Variants in STAU2 observed in about 807,000 individuals in gnomAD.
The protein encoded by STAU2 is double-stranded RNA-binding protein Staufen homolog 2.
A neutral mutation model predicts 65.9 loss-of-function variants in STAU2; 20 were observed. The ratio of observed to expected loss-of-function variants is 0.30; its 90% CI spans 0.21 to 0.44. The LOEUF is 0.44. Among genes scored for constraint, STAU2 ranks in the 20% least tolerant of loss-of-function variants. STAU2 has a pLI of 1.00. For missense variants in STAU2, 558 were observed against 683.9 expected (o/e 0.82, Z 2.05); for synonymous variants, 232 against 233.9 (o/e 0.99, Z 0.07).
chr8:73,662,599 T>TTTGTTGTTGTTGTTG (rs370019142), intron 6 of STAU2, among the ~76,000 whole-genome samples: 9,903 of 150,646 alleles, frequency 0.066, 689 homozygotes, highest in East Asian at 0.17. Flanking sequence ...TTCAGGGGTT[T>TTTGTTGTTGTTGTTG]TTGTTGTTGT....
At chr8:73,527,651 C>T in intron 13 of STAU2, 4 of 1,470,950 alleles carry the variant, frequency 2.7e-6, no homozygotes, top group Non-Finnish European at 3.7e-6. Flanking sequence ...CATTTCCGAG[C>T]TGGGCCATAA....
intron 13 of STAU2, among the ~76,000 whole-genome samples, chr8:73,436,191 A>G (rs1817665072): frequency 6.6e-6 from 1 of 151,890 alleles, no homozygotes; most frequent in South Asian, 2.1e-4. Flanking sequence ...GTGATGGTCA[A>G]ACAAGATAAG....
intron 6 of STAU2, among the ~76,000 whole-genome samples, chr8:73,625,262 G>A (rs1460667483): frequency 6.6e-6 from 1 of 152,118 alleles, no homozygotes; most frequent in African/African-American, 2.4e-5. Flanking sequence ...AAACTCGTAG[G>A]TAAATGTTTA....
chr8:73,574,648 A>G (rs981788743), intron 12 of STAU2, among the ~76,000 whole-genome samples: 9 of 152,190 alleles, frequency 5.9e-5, no homozygotes, highest in Admixed American at 2.0e-4. Context: ...TGAGCAAACT[A>G]TCGCAAGGAC....
chr8:73,665,893 TAA>T (rs1412272238), intron 6 of STAU2, among the ~76,000 whole-genome samples: 2 of 152,220 alleles, frequency 1.3e-5, no homozygotes, highest in African/African-American at 2.4e-5. Context: ...CCATATACAT[TAA>T]GTCATCTCTA....
chr8:73,455,978 G>A (rs1029207329), intron 13 of STAU2, among the ~76,000 whole-genome samples: 2 of 152,160 alleles, frequency 1.3e-5, no homozygotes, highest in African/African-American at 4.8e-5. Flanking sequence ...AAGTTCACTG[G>A]CTGTTTTTAG....
At chr8:73,743,865 G>A (rs1444938873) in intron 1 of STAU2, among the ~76,000 whole-genome samples, 13 of 150,060 alleles carry the variant, frequency 8.7e-5, no homozygotes, top group South Asian at 2.1e-4. Context: ...TCTGCCTCCC[G>A]GGTTCAAGCG....
chr8:73,701,232 A>C (rs1820077693), intron 4 of STAU2, among the ~76,000 whole-genome samples: 2 of 152,192 alleles, frequency 1.3e-5, no homozygotes, highest in Non-Finnish European at 2.9e-5. Context: ...TTTCTTGAGT[A>C]ATACCCCACA....
At chr8:73,676,211 C>G (rs1258631282) in intron 5 of STAU2, among the ~76,000 whole-genome samples, 20 of 151,710 alleles carry the variant, frequency 1.3e-4, no homozygotes, top group Admixed American at 1.3e-3. Flanking sequence ...ACTGTGGAGT[C>G]AAGACTGGAT....
chr8:73,679,558 C>A (rs1185905799), intron 5 of STAU2, among the ~76,000 whole-genome samples: 1 of 152,024 alleles, frequency 6.6e-6, no homozygotes, highest in Non-Finnish European at 1.5e-5. Context: ...AGGACTGAAA[C>A]AAATTTAGAG....
intron 13 of STAU2, among the ~76,000 whole-genome samples, chr8:73,444,908 C>T (rs566737704): frequency 2.0e-5 from 3 of 152,318 alleles, no homozygotes; most frequent in South Asian, 2.1e-4. Context: ...GGGGCACATA[C>T]TTTGTTAACT....
intron 13 of STAU2, among the ~76,000 whole-genome samples, chr8:73,548,167 C>T (rs1018804232): frequency 6.6e-6 from 1 of 151,374 alleles, no homozygotes; most frequent in African/African-American, 2.4e-5. Context: ...TATGTACATG[C>T]ATTATTTCTT....
At chr8:73,547,551 T>A (rs1807018626) in intron 13 of STAU2, among the ~76,000 whole-genome samples, 1 of 152,158 alleles carries the variant, frequency 6.6e-6, no homozygotes, top group Non-Finnish European at 1.5e-5. Flanking sequence ...AGTGTTAATG[T>A]CACTAAAGGA....
At chr8:73,532,540 G>A in intron 13 of STAU2, among the ~76,000 whole-genome samples, 1 of 152,062 alleles carries the variant, frequency 6.6e-6, no homozygotes, top group East Asian at 1.9e-4. Context: ...AATTAGACAG[G>A]TGTGGTGTGC....
chr8:73,532,091 T>A (rs1347420081), intron 13 of STAU2, among the ~76,000 whole-genome samples: 1 of 152,104 alleles, frequency 6.6e-6, no homozygotes, highest in African/African-American at 2.4e-5. Flanking sequence ...AGGTTGGATA[T>A]GCGCAGTCAT....
chr8:73,505,835 T>A (rs758562685), intron 13 of STAU2, among the ~76,000 whole-genome samples: 23 of 152,038 alleles, frequency 1.5e-4, no homozygotes, highest in Admixed American at 1.3e-4. Context: ...GGTAACTAGA[T>A]CGTGGGAGCA....
intron 13 of STAU2, chr8:73,441,430 C>A (rs974057834): frequency 5.3e-5 from 8 of 149,590 alleles, no homozygotes; most frequent in African/African-American, 2.0e-4. Flanking sequence ...ATCTCAGCTA[C>A]TCGGGAGGCT....
chr8:73,506,903 C>T (rs909123532), intron 13 of STAU2, among the ~76,000 whole-genome samples: 2 of 152,106 alleles, frequency 1.3e-5, no homozygotes, highest in Non-Finnish European at 2.9e-5. Flanking sequence ...GAGTAGATTC[C>T]GTATGAAGAA....
intron 1 of STAU2, among the ~76,000 whole-genome samples, chr8:73,744,696 G>A (rs1031119041): frequency 7.1e-4 from 108 of 152,204 alleles, no homozygotes; most frequent in African/African-American, 2.5e-3. Context: ...AAATTTGCAT[G>A]GTTTTCCAAG....
Sources: gnomAD v4.1 joint callset for allele counts (sites outside exome capture counted in the v4.1 genomes callset) on GRCh38, gnomAD v4.1.1 for gene constraint, MANE v1.5 for transcripts, NCBI Gene and HGNC (gene_info 2026-07-23, HGNC 2026-07-21) for gene names.